Variants in CEMIP observed in about 807,000 individuals in gnomAD.
The protein encoded by CEMIP is cell migration-inducing and hyaluronan-binding protein.
In CEMIP, 105 loss-of-function variants were observed where a neutral mutation model predicts 156.9. The observed-to-expected ratio is 0.67, with a 90% CI of 0.57 to 0.79. The LOEUF (loss-of-function observed/expected upper bound fraction) is 0.79, where lower values mean the gene tolerates loss of function less well. Ranked by LOEUF, CEMIP falls within the 30% of genes least tolerant of loss-of-function variation. The pLI is 0.00. For synonymous variants in CEMIP, 676 were observed against 668.4 expected (o/e 1.01, Z -0.17); for missense variants, 1,457 against 1,769.4 (o/e 0.82, Z 3.17).
intron 1 of CEMIP, among the ~76,000 whole-genome samples, chr15:80,811,485 A>G (rs546370380): frequency 1.1e-4 from 17 of 152,382 alleles, no homozygotes; most frequent in African/African-American, 3.6e-4. Context: ...GAGACATGCC[A>G]GAGGCAACCT....
chr15:80,811,050 T>C (rs1896661237), intron 1 of CEMIP, among the ~76,000 whole-genome samples: 5 of 152,224 alleles, frequency 3.3e-5, no homozygotes, highest in Admixed American at 2.6e-4. Context: ...AACTACATGC[T>C]GGGCCTTGTA....
At chr15:80,781,772 C>G (rs1258562397) in intron 1 of CEMIP, among the ~76,000 whole-genome samples, 1 of 152,162 alleles carries the variant, frequency 6.6e-6, no homozygotes, top group Admixed American at 6.5e-5. Flanking sequence ...TGCAGGGTTG[C>G]TATGAGAATT....
At chr15:80,809,906 C>T (rs1433333218) in intron 1 of CEMIP, among the ~76,000 whole-genome samples, 1 of 152,190 alleles carries the variant, frequency 6.6e-6, no homozygotes, top group Non-Finnish European at 1.5e-5. Flanking sequence ...TTTCTGCAAC[C>T]AGCCAGAGAC....
At chr15:80,796,756 C>T (rs11634845) in intron 1 of CEMIP, among the ~76,000 whole-genome samples, 54,547 of 152,086 alleles carry the variant, frequency 0.36, 10,000 homozygotes, top group South Asian at 0.47. Flanking sequence ...CAGTAACTTA[C>T]GCTCCTACCT....
In CEMIP at chr15:80,890,172, G is replaced by A. The variant is rs143420455; in HGVS notation, c.1086+580G>A. Among the ~76,000 whole-genome samples, 735 of 152,322 alleles carry A rather than the reference G, an allele frequency of 4.8e-3. 4 individuals are homozygous for A. The highest frequency in any genetic ancestry group is 8.5e-3 in the Non-Finnish European group (578 of 68,030). On this transcript the variant is annotated intron_variant, in intron 10 of 29. Coordinates refer to ENST00000394685, the MANE Select transcript of CEMIP (RefSeq NM_001293298.2). ...CTGAGCCAGTGGGATACTAGGCTTT[G>A]GGAACAACAGGAGAGACAGGAGAAA...
At chr15:80,894,266 T>C (rs1217109375) in intron 10 of CEMIP, among the ~76,000 whole-genome samples, 1 of 152,198 alleles carries the variant, frequency 6.6e-6, no homozygotes, top group Non-Finnish European at 1.5e-5. Flanking sequence ...AGAAGTGTTG[T>C]GATGTAGTTA....
intron 3 of CEMIP, among the ~76,000 whole-genome samples, chr15:80,877,889 C>T (rs562931114): frequency 6.6e-6 from 1 of 152,352 alleles, no homozygotes; most frequent in African/African-American, 2.4e-5. Flanking sequence ...CAGCATCAGC[C>T]TCCTCTCTTC....
chr15:80,877,002 T>C (rs1898499626), intron 3 of CEMIP, among the ~76,000 whole-genome samples: 1 of 152,138 alleles, frequency 6.6e-6, no homozygotes, highest in African/African-American at 2.4e-5. Flanking sequence ...ACAATCATGG[T>C]AGAAGGTGAA....
At chr15:80,830,001 T>TGTGCGC (rs1297001861) in intron 1 of CEMIP, among the ~76,000 whole-genome samples, 86 of 81,498 alleles carry the variant, frequency 1.1e-3, no homozygotes, top group African/African-American at 3.6e-3. Flanking sequence ...TGTGTGTGTG[T>TGTGCGC]GCGCGCATGT....
intron 1 of CEMIP, among the ~76,000 whole-genome samples, chr15:80,802,700 A>G (rs1896409850): frequency 6.6e-6 from 1 of 152,216 alleles, no homozygotes; most frequent in Admixed American, 6.5e-5. Context: ...AAGACTTCTG[A>G]CATGTTCACA....
intron 1 of CEMIP, among the ~76,000 whole-genome samples, chr15:80,871,240 G>A (rs531591126): frequency 2.4e-4 from 36 of 152,182 alleles, no homozygotes; most frequent in Middle Eastern, 3.2e-3. Flanking sequence ...AAGAAGGCAC[G>A]GATGACCCCT....
intron 11 of CEMIP, among the ~76,000 whole-genome samples, chr15:80,895,658 C>T (rs1172047735): frequency 6.6e-6 from 1 of 152,116 alleles, no homozygotes; most frequent in Non-Finnish European, 1.5e-5. Context: ...AATTCCCCCG[C>T]CCAGAGCTAA....
intron 14 of CEMIP, among the ~76,000 whole-genome samples, chr15:80,911,275 G>A (rs1233460591): frequency 1.3e-5 from 2 of 152,220 alleles, no homozygotes; most frequent in East Asian, 1.9e-4. Flanking sequence ...CTCACACAGG[G>A]TGGTGATGGA....
intron 1 of CEMIP, among the ~76,000 whole-genome samples, chr15:80,848,271 C>T (rs1897612543): frequency 6.6e-6 from 1 of 152,172 alleles, no homozygotes; most frequent in African/African-American, 2.4e-5. Context: ...CCTCCACCAG[C>T]CTTTTTCCTA....
chr15:80,887,798 C>T (rs747406730), intron 8 of CEMIP, 34 bp downstream of exon 8: 2 of 1,526,808 alleles, frequency 1.3e-6, no homozygotes, highest in South Asian at 2.2e-5. Context: ...CTGATTCCCT[C>T]CAGTGTCTCT....
At chr15:80,788,471 C>CA (rs11320710) in intron 1 of CEMIP, among the ~76,000 whole-genome samples, 371 of 78,980 alleles carry the variant, frequency 4.7e-3, no homozygotes, top group Middle Eastern at 0.028. Flanking sequence ...AACTCCATCT[C>CA]AAAAAAAAAA....
chr15:80,908,015 C>G (rs1157614174), intron 13 of CEMIP, among the ~76,000 whole-genome samples: 7 of 152,270 alleles, frequency 4.6e-5, no homozygotes, highest in Non-Finnish European at 1.0e-4. Context: ...GTCACATAGG[C>G]CTATATTATA....
At chr15:80,911,527 CCA>C (rs10596688) in intron 14 of CEMIP, among the ~76,000 whole-genome samples, 122,994 of 148,986 alleles carry the variant, frequency 0.83, 54,472 homozygotes, top group South Asian at 0.98. Flanking sequence ...GGAAAATACA[CCA>C]CACACACACA....
intron 17 of CEMIP, among the ~76,000 whole-genome samples, chr15:80,923,794 T>C (rs897470473): frequency 2.0e-5 from 3 of 152,212 alleles, no homozygotes; most frequent in East Asian, 3.9e-4. Flanking sequence ...TCCTGTGACA[T>C]AGGTATCACT....
Sources: gnomAD v4.1 joint callset for allele counts (sites outside exome capture counted in the v4.1 genomes callset) on GRCh38, gnomAD v4.1.1 for gene constraint, MANE v1.5 for transcripts, NCBI Gene and HGNC (gene_info 2026-07-23, HGNC 2026-07-21) for gene names.